Variants in AHCYL2 observed in about 807,000 individuals in gnomAD.
The protein encoded by AHCYL2 is S-adenosylhomocysteine hydrolase-like protein 2.
Under a neutral mutation model 81.4 loss-of-function variants are expected in AHCYL2, and 28 were observed. The observed-to-expected ratio is 0.34, with a 90% confidence interval of 0.25 to 0.47. AHCYL2 has a LOEUF of 0.47. Ranked by LOEUF, AHCYL2 falls within the 20% of genes least tolerant of loss-of-function variation. The pLI is 1.00. For synonymous variants in AHCYL2, 272 were observed against 290.2 expected (o/e 0.94, Z 0.64); for missense variants, 551 against 785.1 (o/e 0.70, Z 3.56).
intron 1 of AHCYL2, among the ~76,000 whole-genome samples, chr7:129,324,544 C>A (rs901110286): frequency 1.3e-5 from 2 of 152,168 alleles, no homozygotes; most frequent in East Asian, 3.9e-4. Flanking sequence ...GAGATGGAGT[C>A]TTGCTCTGTC....
At chr7:129,269,272 G>A (rs1358723689) in intron 1 of AHCYL2, among the ~76,000 whole-genome samples, 1 of 150,956 alleles carries the variant, frequency 6.6e-6, no homozygotes, top group Non-Finnish European at 1.5e-5. Context: ...CCACCATGGT[G>A]TGCACCACCA....
intron 1 of AHCYL2, among the ~76,000 whole-genome samples, chr7:129,332,566 A>G (rs554663047): frequency 5.8e-4 from 89 of 152,338 alleles, no homozygotes; most frequent in African/African-American, 2.0e-3. Flanking sequence ...AGCCAGAAGC[A>G]CAGTACCACA....
intron 1 of AHCYL2, among the ~76,000 whole-genome samples, chr7:129,227,912 C>T (rs1056200445): frequency 2.6e-5 from 4 of 152,198 alleles, no homozygotes; most frequent in African/African-American, 9.7e-5. Flanking sequence ...CAGGGCATTG[C>T]TGAGCTGCTT....
Position 129,426,567 on chromosome 7 carries a change from C to G in AHCYL2, c.1829+4C>G. 1.2e-6 allele frequency: 2 copies of G among 1,612,330 alleles called. No homozygotes were observed. Among genetic ancestry groups the G allele is most frequent in the Non-Finnish European group, 1.7e-6 (2 of 1,179,190 alleles). On this transcript the variant is annotated splice_donor_region_variant and intron_variant, in intron 16 of 16. Transcript: ENST00000325006. This position sits in a 1 kb window ranked among gnomAD's most constrained non-coding sequence, Gnocchi z 4.3. ...CCTTCAAGCCTAATTACTACAGGTG[C>G]CTTGGGCTCCCCAGAAATCAGGGAC...
At chr7:129,321,981 G>T (rs1215880372) in intron 1 of AHCYL2, among the ~76,000 whole-genome samples, 3 of 151,788 alleles carry the variant, frequency 2.0e-5, no homozygotes, top group Non-Finnish European at 4.4e-5. Flanking sequence ...TCGCCATGTT[G>T]GCCAGGCTGG....
chr7:129,375,790 T>A (rs1306362932), intron 1 of AHCYL2: 4 of 1,526,446 alleles, frequency 2.6e-6, no homozygotes, highest in East Asian at 2.4e-5. Context: ...GCCAACAGAA[T>A]TGCTGATGAG....
At chr7:129,348,645 A>T (rs141526841) in intron 1 of AHCYL2, among the ~76,000 whole-genome samples, 26 of 152,334 alleles carry the variant, frequency 1.7e-4, no homozygotes, top group Non-Finnish European at 2.8e-4. Context: ...ATATAATCTA[A>T]TGCATTGTCT....
chr7:129,374,352 A>C (rs73721720), intron 1 of AHCYL2, among the ~76,000 whole-genome samples: 1,952 of 152,258 alleles, frequency 0.013, 40 homozygotes, highest in African/African-American at 0.045. Flanking sequence ...AGTGAGAATA[A>C]TACTGCCTAA....
At chr7:129,389,981 CAATAT>C (rs1204983854) in intron 4 of AHCYL2, among the ~76,000 whole-genome samples, 1 of 152,178 alleles carries the variant, frequency 6.6e-6, no homozygotes, top group African/African-American at 2.4e-5. Flanking sequence ...ATTTTAACTT[CAATAT>C]ACAGTAGTCC....
chr7:129,374,504 TA>T (rs113939567), intron 1 of AHCYL2, among the ~76,000 whole-genome samples: 480 of 141,488 alleles, frequency 3.4e-3, no homozygotes, highest in Middle Eastern at 0.011. Context: ...AGATTATCCT[TA>T]AAAAAAAAAA....
intron 1 of AHCYL2, among the ~76,000 whole-genome samples, chr7:129,359,216 C>A (rs1584821463): frequency 1.3e-5 from 2 of 152,042 alleles, no homozygotes; most frequent in East Asian, 3.9e-4. Flanking sequence ...TTGGACAATT[C>A]TTAAAAATAC....
chr7:129,230,062 T>C (rs1417955192), intron 1 of AHCYL2, among the ~76,000 whole-genome samples: 10 of 151,216 alleles, frequency 6.6e-5, no homozygotes, highest in Non-Finnish European at 1.3e-4. Context: ...GCTTTACATA[T>C]ACTGTTTTAT....
intron 5 of AHCYL2, among the ~76,000 whole-genome samples, chr7:129,399,175 G>A (rs561860782): frequency 2.8e-5 from 4 of 141,356 alleles, no homozygotes; most frequent in South Asian, 2.3e-4. Flanking sequence ...GAGGCCAGGC[G>A]CGGTGGCTCA....
intron 1 of AHCYL2, among the ~76,000 whole-genome samples, chr7:129,259,416 A>G (rs754135124): frequency 2.6e-5 from 4 of 152,190 alleles, no homozygotes; most frequent in Non-Finnish European, 4.4e-5. Flanking sequence ...TTCAAGTCAT[A>G]AGATTGTAAG....
chr7:129,351,037 C>T (rs1464280245), intron 1 of AHCYL2, among the ~76,000 whole-genome samples: 1 of 152,112 alleles, frequency 6.6e-6, no homozygotes, highest in African/African-American at 2.4e-5. Flanking sequence ...GCAAACAATT[C>T]ATCCTTAAGT....
At chr7:129,392,031 C>T (rs1009745869) in intron 4 of AHCYL2, among the ~76,000 whole-genome samples, 3 of 152,170 alleles carry the variant, frequency 2.0e-5, no homozygotes, top group Admixed American at 1.3e-4. Context: ...TCTCATGTTG[C>T]TGAATTACAT....
chr7:129,358,358 C>A (rs1251780047), intron 1 of AHCYL2, among the ~76,000 whole-genome samples: 1 of 151,892 alleles, frequency 6.6e-6, no homozygotes, highest in Non-Finnish European at 1.5e-5. Context: ...CGCCACTGCA[C>A]TCCAGCCTGG....
At chr7:129,325,363 G>GAGAAGTGA (rs1196175831) in intron 1 of AHCYL2, among the ~76,000 whole-genome samples, 5 of 152,206 alleles carry the variant, frequency 3.3e-5, no homozygotes, top group Admixed American at 2.0e-4. Context: ...ATTGTCACTT[G>GAGAAGTGA]CATGGTTTCC....
chr7:129,374,857 C>A (rs1021342317), intron 1 of AHCYL2, among the ~76,000 whole-genome samples: 2 of 147,216 alleles, frequency 1.4e-5, no homozygotes, highest in Non-Finnish European at 3.0e-5. Context: ...TTGTGCTCAA[C>A]AAGCAGTCTT....
Sources: allele counts gnomAD v4.1 joint callset (sites outside exome capture counted in the v4.1 genomes callset), GRCh38; gene constraint gnomAD v4.1.1; non-coding constraint Gnocchi (gnomAD v3.1); transcripts MANE v1.5; gene names NCBI Gene and HGNC (gene_info 2026-07-23, HGNC 2026-07-21).